PRUNE2: variants seen among roughly 807,000 people sequenced by gnomAD.
PRUNE2 encodes prune homolog 2 with BCH domain, also known as protein prune homolog 2.
Under a neutral mutation model 252.0 loss-of-function variants are expected in PRUNE2, and 164 were observed. The observed-to-expected ratio is 0.65, with a 90% CI of 0.57 to 0.74. The LOEUF (loss-of-function observed/expected upper bound fraction) is 0.74, where lower values mean the gene tolerates loss of function less well. PRUNE2 is among the 30% of genes least tolerant of loss of function. PRUNE2 has a pLI of 0.00. For missense variants in PRUNE2, 3,495 were observed against 3,711.0 expected (o/e 0.94, Z 1.51); for synonymous variants, 1,292 against 1,350.2 (o/e 0.96, Z 0.94).
At chr9:76,901,146 T>C (rs1302511778) in intron 1 of PRUNE2, among the ~76,000 whole-genome samples, 2 of 152,014 alleles carry the variant, frequency 1.3e-5, no homozygotes, top group African/African-American at 4.8e-5. Flanking sequence ...ATGGCTCTTC[T>C]CCAAAGGTCC....
At chr9:76,796,172 CA>C (rs1163725850) in intron 6 of PRUNE2, among the ~76,000 whole-genome samples, 1 of 152,168 alleles carries the variant, frequency 6.6e-6, no homozygotes, top group Non-Finnish European at 1.5e-5. Flanking sequence ...GAACGCACAG[CA>C]CTCTTCTATT....
chr9:76,705,856 C>T lies in PRUNE2; in HGVS notation c.6418G>A (p.Glu2140Lys), dbSNP rs1171091959. The T allele has an allele frequency of 6.2e-7, 1 of 1,613,678 alleles. No homozygotes were observed. Among genetic ancestry groups the T allele is most frequent in the Admixed American group, 1.7e-5 (1 of 60,022 alleles). The change falls in exon 8 of 19, where the codon GAG becomes AAG. Residue 2140 changes from glutamate (E) to lysine (K), a missense_variant. Glu to Lys is a moderately conservative substitution (Grantham distance 56, BLOSUM62 1). Transcript: ENST00000376718. ...ESSELCLTEP[E>K]IDEEPIYEPG... ...TCATAAATGGGTTCTTCATCTATCT[C>T]TGGCTCAGTGAGACAAAGCTCACTG...
intron 1 of PRUNE2, among the ~76,000 whole-genome samples, chr9:76,905,660 C>A (rs1168686359): frequency 6.6e-6 from 1 of 152,138 alleles, no homozygotes; most frequent in Non-Finnish European, 1.5e-5. Flanking sequence ...ATTTAGGGAC[C>A]GAAGCTGGAC....
intron 11 of PRUNE2, among the ~76,000 whole-genome samples, chr9:76,649,367 A>G (rs1588138924): frequency 6.6e-6 from 1 of 152,136 alleles, no homozygotes; most frequent in Non-Finnish European, 1.5e-5. Context: ...ATCATCTATT[A>G]AAACAGTACA....
Position 76,706,327 on chromosome 9 carries a change from CACA to C in PRUNE2, c.5944_5946del (p.Cys1982del). On this transcript the variant is annotated inframe_deletion, in exon 8 of 19. Transcript: ENST00000376718. ...TCATTAGTTGAAACATTAGATGTAA[CACA>C]ACTATTTTCCTCTGCGTGAGTAAAG... 1 of 1,613,864 alleles carries C rather than the reference CACA, an allele frequency of 6.2e-7. No homozygotes were observed.
chr9:76,728,000 G>GC (rs984781937), intron 6 of PRUNE2, among the ~76,000 whole-genome samples: 16 of 152,078 alleles, frequency 1.1e-4, no homozygotes, highest in African/African-American at 3.4e-4. Context: ...ACAGGTGTGA[G>GC]CCCCCCGACG....
At chr9:76,725,332 G>A (rs375978836) in intron 6 of PRUNE2, among the ~76,000 whole-genome samples, 59 of 152,288 alleles carry the variant, frequency 3.9e-4, no homozygotes, top group Admixed American at 1.1e-3. Context: ...CTTGCATGGG[G>A]AGCACAATAT....
At chr9:76,652,401 C>T (rs1294805686) in intron 11 of PRUNE2, 82 bp downstream of exon 11, 3 of 948,940 alleles carry the variant, frequency 3.2e-6, no homozygotes, top group East Asian at 2.4e-5. Flanking sequence ...AAAGGATCCA[C>T]TGGCACAAAA....
chr9:76,621,508 T>C (rs1219467246), intron 17 of PRUNE2, among the ~76,000 whole-genome samples: 1 of 152,160 alleles, frequency 6.6e-6, no homozygotes, highest in Non-Finnish European at 1.5e-5. Context: ...CAAAAGATCC[T>C]AGAGGGAGGA....
At chr9:76,661,180 C>T (rs1438888364) in intron 9 of PRUNE2, among the ~76,000 whole-genome samples, 2 of 151,986 alleles carry the variant, frequency 1.3e-5, no homozygotes, top group African/African-American at 4.8e-5. Flanking sequence ...GAAGTGTTGA[C>T]AAGAAAGTGG....
chr9:76,687,728 A>G (rs2044249362), intron 9 of PRUNE2: 2 of 260,454 alleles, frequency 7.7e-6, no homozygotes, highest in Admixed American at 4.3e-5. Flanking sequence ...TGTATTACAA[A>G]AAGAATGGAT....
Position 76,713,571 on chromosome 9 carries a change from A to G in PRUNE2, c.907T>C (p.Cys303Arg). 6.2e-7 allele frequency: 1 copy of G among 1,610,346 alleles called. No individual in the cohort carries two copies. Among genetic ancestry groups the G allele is most frequent in the Non-Finnish European group, 8.5e-7 (1 of 1,178,378 alleles). The change falls in exon 7 of 19, where the codon TGC (cysteine) becomes CGC (arginine). Residue 303 changes from cysteine to arginine, a missense_variant. Physicochemically the swap from Cys to Arg is radical, Grantham distance 180 (BLOSUM62 -3). Transcript: ENST00000376718. ...TCAGAGGAGGGGCTCACCTGACTGC[A>G]CAGCTCCATGTTTTCTGAGTACACA... ...IAVYSENMELCSQICCELEEC... is the reference protein window; with the variant it reads ...IAVYSENMELRSQICCELEEC...
chr9:76,754,972 A>AG, intron 6 of PRUNE2, among the ~76,000 whole-genome samples: 1 of 150,458 alleles, frequency 6.6e-6, no homozygotes, highest in South Asian at 2.1e-4. Flanking sequence ...CTCAAAAAAA[A>AG]AAAAAAAAAA....
At chr9:76,628,880 C>G (rs1836156921) in intron 16 of PRUNE2, among the ~76,000 whole-genome samples, 1 of 151,064 alleles carries the variant, frequency 6.6e-6, no homozygotes, top group Non-Finnish European at 1.5e-5. Flanking sequence ...CAGGGTCTCA[C>G]TGCCACCAGG....
chr9:76,847,835 C>T (rs2059751065), intron 3 of PRUNE2, among the ~76,000 whole-genome samples: 1 of 152,258 alleles, frequency 6.6e-6, no homozygotes, highest in Admixed American at 6.5e-5. Flanking sequence ...ATCCCAGCCT[C>T]AAAATCAGTC....
At chr9:76,636,381 T>G in intron 15 of PRUNE2, 90 bp downstream of exon 15, 1 of 738,256 alleles carries the variant, frequency 1.4e-6, no homozygotes, top group Non-Finnish European at 2.3e-6. Flanking sequence ...TGGGTACTCT[T>G]AGTTTATGAA....
At chr9:76,855,857 T>C (rs2060225309) in intron 1 of PRUNE2, among the ~76,000 whole-genome samples, 2 of 152,182 alleles carry the variant, frequency 1.3e-5, no homozygotes, top group South Asian at 4.1e-4. Flanking sequence ...CATAAATTTA[T>C]AGTTGGCTCA....
chr9:76,834,850 A>C (rs915956605), intron 4 of PRUNE2, among the ~76,000 whole-genome samples: 1 of 152,230 alleles, frequency 6.6e-6, no homozygotes, highest in Admixed American at 6.5e-5. Flanking sequence ...AAACCCATTT[A>C]GTTACAAACT....
At chr9:76,881,836 T>C (rs989327923) in intron 1 of PRUNE2, among the ~76,000 whole-genome samples, 1 of 152,060 alleles carries the variant, frequency 6.6e-6, no homozygotes, top group African/African-American at 2.4e-5. Flanking sequence ...TCGGCCAGGC[T>C]GGTCTTGAAC....
Sources: allele counts gnomAD v4.1 joint callset (sites outside exome capture counted in the v4.1 genomes callset), GRCh38; gene constraint gnomAD v4.1.1; transcripts MANE v1.5; gene names NCBI Gene and HGNC (gene_info 2026-07-23, HGNC 2026-07-21).